The following TMEM175 variants were observed in gnomAD, a reference collection of about 807,000 sequenced individuals.
The protein encoded by TMEM175 is transmembrane protein 175.
A neutral mutation model predicts 36.5 loss-of-function variants in TMEM175; 36 were observed. The observed-to-expected ratio is 0.99, with a 90% CI of 0.76 to 1.30. The LOEUF is 1.30. TMEM175 is among the 50% of genes most tolerant of loss of function. TMEM175 has a pLI of 0.00. For synonymous variants in TMEM175, 339 were observed against 313.4 expected, an observed-to-expected ratio of 1.08 and a Z score of -0.86; for missense variants, 705 against 692.8, an observed-to-expected ratio of 1.02 and a Z score of -0.20.
At chr4:950,296 G>A in intron 3 of TMEM175, 125 bp from the exon 4 acceptor site, 1 of 746,404 alleles carries the variant, frequency 1.3e-6, no homozygotes, top group Non-Finnish European at 2.3e-6. Flanking sequence ...GTGCCTCACA[G>A]GACCCACCCG....
chr4:952,702 TGTGTGTGTGC>T (rs1182052013), intron 7 of TMEM175, among the ~76,000 whole-genome samples: 1 of 150,936 alleles, frequency 6.6e-6, no homozygotes, highest in African/African-American at 2.4e-5. Context: ...GTGCTCTGTG[TGTGTGTGTGC>T]GTGTGTGTTC....
Position 932,532 on chromosome 4 carries a change from C to G in TMEM175, c.-40C>G, listed in dbSNP as rs1022717805. 4 of 457,050 alleles carry G rather than the reference C, an allele frequency of 8.8e-6. No homozygotes were observed. Among genetic ancestry groups the G allele is most frequent in the African/African-American group, 6.2e-5 (3 of 48,630 alleles). 28.3% of individuals were successfully genotyped at this position (457,050 alleles called of 1,614,324 possible). ...GCGCGGAACAGTCGCCGAGGCGATTCCCGCCCAGGTAGTTCAGCGCCCCAG... is the reference window on the plus strand; with the variant it reads ...GCGCGGAACAGTCGCCGAGGCGATTGCCGCCCAGGTAGTTCAGCGCCCCAG... On this transcript the variant is annotated 5_prime_UTR_variant, in exon 1 of 11. Transcript: ENST00000264771. The surrounding 1 kb of genome is among the most constrained non-coding windows in gnomAD (Gnocchi z 4.0).
At chr4:951,802 TGGCCCAG>T in intron 6 of TMEM175, 85 bp downstream of exon 6, 1 of 1,441,780 alleles carries the variant, frequency 6.9e-7, no homozygotes, top group Non-Finnish European at 9.8e-7. Context: ...ACCAGCTGGA[TGGCCCAG>T]GGCCCAGGCC....
rs902265587 is a variant in TMEM175 at position 937,054 on chromosome 4, C to CT, written c.-32+4524dup. On this transcript the variant is annotated intron_variant, in intron 1 of 10. Transcript: ENST00000264771. ...AACATACTTTGTGTTATCTAACCAT[C>CT]TTTTTTTTTTGAGGGGATGGATACC... Among the ~76,000 whole-genome samples the CT allele has an allele frequency of 8.7e-4, 130 of 148,654 alleles. 2 individuals are homozygous for CT. The highest frequency in any genetic ancestry group is 3.6e-3 in the Middle Eastern group (1 of 278).
Position 932,556 on chromosome 4 carries a change from A to C in TMEM175, c.-32+16A>C. Reference sequence around the variant, plus strand: ...TCCCGCCCAGGTAGTTCAGCGCCCCAGTCCAGCTCCCGGTACCGTTCCCCA... The same window carrying C: ...TCCCGCCCAGGTAGTTCAGCGCCCCCGTCCAGCTCCCGGTACCGTTCCCCA... On this transcript the variant is annotated intron_variant, in intron 1 of 10. Coordinates refer to ENST00000264771, the MANE Select transcript of TMEM175 (RefSeq NM_032326.4). This position sits in a 1 kb window ranked among gnomAD's most constrained non-coding sequence, Gnocchi z 4.0. 1 of 444,484 alleles carries C rather than the reference A, an allele frequency of 2.2e-6. No individual in the cohort carries two copies. Among genetic ancestry groups the C allele is most frequent in the Non-Finnish European group, 3.9e-6 (1 of 254,352 alleles). 27.5% of individuals were successfully genotyped at this position (444,484 alleles called of 1,614,324 possible). A position where few individuals can be genotyped will look rare whatever the true frequency, so the allele number is the denominator to read the frequency against.
chr4:956,336 C>T, intron 10 of TMEM175: 1 of 1,289,614 alleles, frequency 7.8e-7, no homozygotes, highest in Non-Finnish European at 1.0e-6. Flanking sequence ...CTCCCTTTGG[C>T]TGGCTGTTGC....
Position 932,651 on chromosome 4 carries a change from G to C in TMEM175, c.-32+111G>C. 1 of 331,904 alleles carries C rather than the reference G, an allele frequency of 3.0e-6. No homozygotes were observed. The highest frequency in any genetic ancestry group is 5.5e-6 in the Non-Finnish European group (1 of 183,326). 20.6% of individuals were successfully genotyped at this position (331,904 alleles called of 1,614,324 possible). ...TAAGCGCTTCGCCATCCTCTGGGTG[G>C]AGTCAGCCTCCCGTTTGCTGTTAGC... is the stretch of plus-strand genomic sequence containing the variant. On this transcript the variant is annotated intron_variant, in intron 1 of 10. Coordinates refer to ENST00000264771, the MANE Select transcript of TMEM175 (RefSeq NM_032326.4). This position sits in a 1 kb window ranked among gnomAD's most constrained non-coding sequence, Gnocchi z 4.0.
chr4:957,827 A>G lies in TMEM175; in HGVS notation c.846A>G (p.Glu282=), dbSNP rs1729916934. 6.2e-7 allele frequency: 1 copy of G among 1,604,860 alleles called. No homozygotes were observed. The highest frequency in any genetic ancestry group is 8.5e-7 in the Non-Finnish European group (1 of 1,175,318). The part of the protein sequence containing the change: ...VATLLILDIC[E]DNVPDPKDVK... ...TGCATCTATTCACTGTTCTCAGCGAAGACAACGTCCCGGACCCCAAGGATG... is the reference window on the plus strand; with the variant it reads ...TGCATCTATTCACTGTTCTCAGCGAGGACAACGTCCCGGACCCCAAGGATG... Residue 282 remains glutamate, a synonymous_variant, in exon 11 of 11, where the codon GAA becomes GAG. Coordinates refer to ENST00000264771, the MANE Select transcript of TMEM175 (RefSeq NM_032326.4).
chr4:951,569 C>A, intron 5 of TMEM175, 113 bp from the exon 6 acceptor site: 2 of 1,395,030 alleles, frequency 1.4e-6, no homozygotes, highest in Non-Finnish European at 2.0e-6. Flanking sequence ...CACTCGCTGG[C>A]CCACCCTTCT....
rs142744759 is a variant in TMEM175, at chr4:958,252, C to T, written c.1271C>T (p.Ala424Val). Reference sequence around the variant, plus strand: ...CATGTGCTCATGTTCGCCAAGCTGGCGCTGTACCCCTGTGCCAGCCTGCTG... The same window carrying T: ...CATGTGCTCATGTTCGCCAAGCTGGTGCTGTACCCCTGTGCCAGCCTGCTG... Reference protein sequence around the residue: ...REHVLMFAKLALYPCASLLAF... With the variant: ...REHVLMFAKLVLYPCASLLAF... Residue 424 changes from alanine to valine, a missense_variant, in exon 11 of 11, where the codon GCG becomes GTG. Transcript: ENST00000264771. 3.7e-5 allele frequency: 59 copies of T among 1,605,716 alleles called. No individual in the cohort carries two copies. The African/African-American group carries it at 3.7e-4, about 10-fold the overall frequency.
intron 3 of TMEM175, 55 bp from the exon 4 acceptor site, chr4:950,366 C>A: frequency 7.1e-7 from 1 of 1,403,666 alleles, no homozygotes; most frequent in Non-Finnish European, 1.0e-6. Flanking sequence ...TCTCGACTGC[C>A]ATTCAGGGAC....
At chr4:952,697 CTG>C (rs147503527) in intron 7 of TMEM175, among the ~76,000 whole-genome samples, 6 of 98,560 alleles carry the variant, frequency 6.1e-5, no homozygotes, top group Non-Finnish European at 8.2e-5. Flanking sequence ...GTCCTGTGCT[CTG>C]TGTGTGTGTG....
At position 948,650 on chromosome 4, in the gene TMEM175, C is replaced by CTTA; in HGVS notation, c.192+496_192+497insTTA. ...AAAGGGTTTACAAGCAGAGTTTCCA[C>CTTA]CTTGACTGTTTCTGAGCTAAAGAGC... On this transcript the variant is annotated intron_variant, in intron 3 of 10. Transcript: ENST00000264771. 8.1e-6 allele frequency: 10 copies of CTTA among 1,236,872 alleles called. 1 individual carries two copies. The South Asian group carries it at 1.2e-4, about 15-fold the overall frequency. 76.6% of individuals were successfully genotyped at this position (1,236,872 alleles called of 1,614,324 possible). A position where few individuals can be genotyped will look rare whatever the true frequency, so the allele number is the denominator to read the frequency against.
At position 957,793 on chromosome 4, in the gene TMEM175, C is replaced by T. The variant is rs369747314; in HGVS notation, c.843-31C>T. On this transcript the variant is annotated intron_variant, in intron 10 of 10. Coordinates refer to ENST00000264771, the MANE Select transcript of TMEM175 (RefSeq NM_032326.4). ...GGGGCCTGTGTGGCCACGGCAAGGC[C>T]GGCACAAATGCATCTATTCACTGTT... 4.4e-5 allele frequency: 69 copies of T among 1,565,842 alleles called. 1 individual carries two copies. The South Asian group carries it at 5.7e-4, about 13-fold the overall frequency.
At chr4:942,435 C>T (rs1040462579) in intron 1 of TMEM175, among the ~76,000 whole-genome samples, 1 of 152,140 alleles carries the variant, frequency 6.6e-6, no homozygotes, top group Non-Finnish European at 1.5e-5. Flanking sequence ...TTTCTTTTCC[C>T]ATCGAGTGGT....
At chr4:953,444 G>A in intron 8 of TMEM175, 90 bp downstream of exon 8, 1 of 1,453,522 alleles carries the variant, frequency 6.9e-7, no homozygotes, top group Non-Finnish European at 9.2e-7. Context: ...ACGGGGGTGG[G>A]GGCAGAGCGC....
At chr4:945,224 C>A (rs1727988717) in intron 1 of TMEM175, among the ~76,000 whole-genome samples, 1 of 136,156 alleles carries the variant, frequency 7.3e-6, no homozygotes, top group African/African-American at 2.8e-5. Flanking sequence ...ACCTTATTAA[C>A]TGTTGCTAAA....
chr4:958,395 ACCCTGCGGG>A lies in TMEM175; in HGVS notation c.1415_1423del (p.Thr472_Val475delinsIle), dbSNP rs763203940. The stretch of plus-strand genomic sequence containing the variant: ...CCTGCTCGTGGGCCTGGCCCTGGCC[ACCCTGCGGG>A]TCCTGCGGGGCCTCGCCCGGCCCGA... On this transcript the variant is annotated inframe_deletion, in exon 11 of 11. Transcript: ENST00000264771. The A allele has an allele frequency of 3.7e-6, 6 of 1,600,804 alleles. No homozygotes were observed. Among genetic ancestry groups the A allele is most frequent in the South Asian group, 3.3e-5 (3 of 91,014 alleles).
At chr4:943,258 C>A (rs1345538691) in intron 1 of TMEM175, among the ~76,000 whole-genome samples, 1 of 152,052 alleles carries the variant, frequency 6.6e-6, no homozygotes, top group East Asian at 1.9e-4. Flanking sequence ...TTTATTATTA[C>A]TATTTTTTTC....
Sources: gnomAD v4.1 joint callset for allele counts (sites outside exome capture counted in the v4.1 genomes callset) on GRCh38, gnomAD v4.1.1 for gene constraint, Gnocchi (gnomAD v3.1) non-coding constraint, MANE v1.5 for transcripts, NCBI Gene and HGNC (gene_info 2026-07-23, HGNC 2026-07-21) for gene names.